Variants in SULT6B1 observed in about 807,000 individuals in gnomAD.
SULT6B1 encodes the protein sulfotransferase 6B1.
SULT6B1 carries 44 observed loss-of-function variants against 37.2 expected under a neutral mutation model. The observed-to-expected ratio is 1.18, with a 90% confidence interval of 0.93 to 1.52. The LOEUF (loss-of-function observed/expected upper bound fraction) is 1.52. SULT6B1 is among the 40% of genes most tolerant of loss of function. SULT6B1 has a pLI of 0.00. For synonymous variants in SULT6B1, 140 were observed against 126.0 expected (o/e 1.11, Z -0.74); for missense variants, 450 against 361.0 (o/e 1.25, Z -2.00).
At chr2:37,193,703 A>G (rs1444800896) in intron 1 of SULT6B1, among the ~76,000 whole-genome samples, 1 of 151,988 alleles carries the variant, frequency 6.6e-6, no homozygotes, top group Non-Finnish European at 1.5e-5. Flanking sequence ...AGAAATGTCT[A>G]GGCTTTAAGG....
intron 2 of SULT6B1, among the ~76,000 whole-genome samples, chr2:37,185,158 C>A (rs1676644151): frequency 6.6e-6 from 1 of 151,932 alleles, no homozygotes; most frequent in South Asian, 2.1e-4. Context: ...AACTGCATGG[C>A]CAAAAATCAT....
At chr2:37,178,401 A>G (rs533290962) in intron 4 of SULT6B1, among the ~76,000 whole-genome samples, 32 of 152,070 alleles carry the variant, frequency 2.1e-4, no homozygotes, top group African/African-American at 7.5e-4. Flanking sequence ...ACACCTGGCT[A>G]ATTTTTGTGT....
At chr2:37,182,163 T>C (rs963299433) in intron 3 of SULT6B1, among the ~76,000 whole-genome samples, 1 of 152,204 alleles carries the variant, frequency 6.6e-6, no homozygotes, top group African/African-American at 2.4e-5. Context: ...ATTGAAATTG[T>C]AGTCATCTTA....
intron 1 of SULT6B1, chr2:37,194,873 CTCCCTCCCTTCCTTCCTTCCTTCT>C (rs1676865640): frequency 3.3e-5 from 3 of 89,594 alleles, no homozygotes; most frequent in African/African-American, 1.2e-4. Flanking sequence ...CCCTCCCTCC[CTCCCTCCCTTCCTTCCTTCCTTCT>C]TTCCTTCCTT....
chr2:37,194,575 C>A, intron 1 of SULT6B1: 1 of 372,386 alleles, frequency 2.7e-6, no homozygotes, highest in East Asian at 8.1e-5. Context: ...TTCCCATCTC[C>A]TTCATTGCAA....
upstream of SULT6B1, among the ~76,000 whole-genome samples, chr2:37,192,543 G>A (rs1180764584): frequency 6.6e-6 from 1 of 152,178 alleles, no homozygotes; most frequent in Non-Finnish European, 1.5e-5. Flanking sequence ...ATATAATAAT[G>A]TGATGATATT....
chr2:37,181,993 A>G (rs1339682213), intron 3 of SULT6B1, among the ~76,000 whole-genome samples: 7 of 152,194 alleles, frequency 4.6e-5, no homozygotes, highest in South Asian at 2.1e-4. Flanking sequence ...CAAACACTCA[A>G]TGGGAATTAG....
chr2:37,174,679 G>C (rs1195888888), intron 5 of SULT6B1, among the ~76,000 whole-genome samples: 2 of 152,002 alleles, frequency 1.3e-5, no homozygotes, highest in Non-Finnish European at 2.9e-5. Flanking sequence ...TGGCATGTAA[G>C]TTACTACAGG....
chr2:37,193,021 T>C (rs2148304059), upstream of SULT6B1, among the ~76,000 whole-genome samples: 1 of 152,244 alleles, frequency 6.6e-6, no homozygotes, highest in South Asian at 2.1e-4. Flanking sequence ...TCCAGGTGGG[T>C]CTCATGTTAT....
At chr2:37,180,455 G>T (rs1050084445) in intron 3 of SULT6B1, among the ~76,000 whole-genome samples, 2 of 152,220 alleles carry the variant, frequency 1.3e-5, no homozygotes, top group Non-Finnish European at 2.9e-5. Flanking sequence ...GGGGCAACAT[G>T]GACCCTCTAA....
chr2:37,171,776 T>C (rs1207067712), intron 5 of SULT6B1, among the ~76,000 whole-genome samples, 186 bp from the exon 6 acceptor site: 1 of 152,202 alleles, frequency 6.6e-6, no homozygotes, highest in African/African-American at 2.4e-5. Context: ...ATATTCTGTA[T>C]TGATTATACT....
At chr2:37,185,717 CAAAAAAAAA>C (rs200087048) in intron 2 of SULT6B1, among the ~76,000 whole-genome samples, 2 of 83,388 alleles carry the variant, frequency 2.4e-5, no homozygotes, top group Admixed American at 1.2e-4. Context: ...GACTCCATTT[CAAAAAAAAA>C]AAAAAAAAAA....
At position 37,172,723 on chromosome 2, in the gene SULT6B1, G is replaced by A. The variant is rs1676332004; in HGVS notation, c.625-1133C>T. On this transcript the variant is annotated intron_variant, in intron 5 of 6. Transcript: ENST00000535679. ...GGGTTTCACCATGTTGGCCAGGCTG[G>A]TCTCGAACTCCTGACCTCAAGTGAT... 2.6e-5 allele frequency among the ~76,000 whole-genome samples: 4 copies of A among 152,248 alleles called. No homozygotes were observed. The South Asian group carries it at 8.3e-4, about 32-fold the overall frequency.
At chr2:37,183,296 C>CA in intron 3 of SULT6B1, 129 bp downstream of exon 3, 2 of 725,530 alleles carry the variant, frequency 2.8e-6, no homozygotes, top group Middle Eastern at 2.8e-4. Context: ...GAAACAAAAA[C>CA]AAAAAAACTA....
chr2:37,176,195 G>T (rs1234721877), intron 4 of SULT6B1, among the ~76,000 whole-genome samples: 2 of 149,804 alleles, frequency 1.3e-5, no homozygotes, highest in Non-Finnish European at 3.0e-5. Context: ...GCGTTATGAG[G>T]TTTAAATGAA....
chr2:37,172,334 T>A (rs1197780236), intron 5 of SULT6B1, among the ~76,000 whole-genome samples: 1 of 152,122 alleles, frequency 6.6e-6, no homozygotes, highest in Non-Finnish European at 1.5e-5. Flanking sequence ...AATACAGCAG[T>A]TCCTAAATCT....
At chr2:37,171,734 T>G in intron 5 of SULT6B1, 144 bp from the exon 6 acceptor site, 1 of 673,266 alleles carries the variant, frequency 1.5e-6, no homozygotes, top group Non-Finnish European at 2.5e-6. Flanking sequence ...TACTTTCATC[T>G]TCTTATGTAA....
At chr2:37,185,824 A>G (rs1206500108) in intron 2 of SULT6B1, among the ~76,000 whole-genome samples, 2 of 152,080 alleles carry the variant, frequency 1.3e-5, no homozygotes, top group Non-Finnish European at 2.9e-5. Flanking sequence ...AAGGTTATGC[A>G]AAGGCCTGGA....
chr2:37,172,102 G>C (rs1676316745), intron 5 of SULT6B1, among the ~76,000 whole-genome samples: 1 of 150,600 alleles, frequency 6.6e-6, no homozygotes, highest in Non-Finnish European at 1.5e-5. Flanking sequence ...GACTAGAGTG[G>C]TGCAAGGGCA....
Sources: allele counts gnomAD v4.1 joint callset (sites outside exome capture counted in the v4.1 genomes callset), GRCh38; gene constraint gnomAD v4.1.1; transcripts MANE v1.5; gene names NCBI Gene and HGNC (gene_info 2026-07-23, HGNC 2026-07-21).